Variants in EPHA5 observed in about 807,000 individuals in gnomAD.
EPHA5 encodes EPH receptor A5, also known as ephrin type-A receptor 5.
In EPHA5, 60 loss-of-function variants were observed where a neutral mutation model predicts 105.0. That is an observed-to-expected ratio of 0.57 (90% CI 0.46 to 0.71). The LOEUF is 0.71. Among genes scored for constraint, EPHA5 ranks in the 30% least tolerant of loss-of-function variants. EPHA5 has a pLI of 0.00. For missense variants in EPHA5, 1,218 were observed against 1,274.7 expected (o/e 0.96, Z 0.68); for synonymous variants, 513 against 449.1 (o/e 1.14, Z -1.80).
chr4:65,656,555 A>G (rs1749079291), intron 1 of EPHA5, among the ~76,000 whole-genome samples: 1 of 148,194 alleles, frequency 6.7e-6, no homozygotes, highest in Admixed American at 6.8e-5. Context: ...TATGTAGTAT[A>G]CTACATTTAC....
At chr4:65,635,228 A>G (rs979914875) in intron 2 of EPHA5, among the ~76,000 whole-genome samples, 1 of 152,116 alleles carries the variant, frequency 6.6e-6, no homozygotes, top group African/African-American at 2.4e-5. Flanking sequence ...AGTATCTACA[A>G]TGTAGGGTTA....
chr4:65,404,086 T>TA (rs1722116861), intron 8 of EPHA5, among the ~76,000 whole-genome samples: 2 of 152,072 alleles, frequency 1.3e-5, no homozygotes, highest in Non-Finnish European at 2.9e-5. Context: ...ATTTTCAGAT[T>TA]AAAAAATATG....
chr4:65,468,368 A>C (rs1004646520), intron 5 of EPHA5, among the ~76,000 whole-genome samples: 1 of 151,234 alleles, frequency 6.6e-6, no homozygotes, highest in African/African-American at 2.4e-5. Flanking sequence ...AAAGTGAGAA[A>C]GATTCTAGGG....
At chr4:65,325,679 T>C (rs1393716789) in intron 16 of EPHA5, among the ~76,000 whole-genome samples, 1 of 151,312 alleles carries the variant, frequency 6.6e-6, no homozygotes, top group African/African-American at 2.4e-5. Context: ...TTATTAATAA[T>C]GGAATAGACT....
chr4:65,646,770 C>T (rs1216263977), intron 1 of EPHA5, among the ~76,000 whole-genome samples: 2 of 151,796 alleles, frequency 1.3e-5, no homozygotes, highest in African/African-American at 2.4e-5. Flanking sequence ...TCTTTTTGAA[C>T]CAAAATAATA....
intron 3 of EPHA5, among the ~76,000 whole-genome samples, chr4:65,586,710 C>G (rs891702111): frequency 6.6e-6 from 1 of 151,934 alleles, no homozygotes; most frequent in Non-Finnish European, 1.5e-5. Flanking sequence ...AAGCTAACTA[C>G]TAACTCAGGG....
chr4:65,591,604 A>AT (rs1057241665), intron 3 of EPHA5, among the ~76,000 whole-genome samples: 23 of 145,770 alleles, frequency 1.6e-4, no homozygotes, highest in East Asian at 2.0e-4. Flanking sequence ...TTTTAATTTT[A>AT]TTTTTTTTAA....
intron 5 of EPHA5, among the ~76,000 whole-genome samples, chr4:65,443,459 AC>A (rs2149090598): frequency 6.6e-6 from 1 of 152,054 alleles, no homozygotes; most frequent in East Asian, 1.9e-4. Context: ...TATTGAGGTA[AC>A]CCAATGACAA....
rs1162490336 is a variant in EPHA5 at position 65,515,488 on chromosome 4, C to T, written c.911-19945G>A. ...AATCTATTAAGAAGATACATGACTC[C>T]TCTATTTTATTTCTCTCAACAATAT... On this transcript the variant is annotated intron_variant, in intron 3 of 16. Transcript: ENST00000613740. 3.3e-5 allele frequency among the ~76,000 whole-genome samples: 5 copies of T among 152,114 alleles called. No individual in the cohort carries two copies. The East Asian group carries it at 7.7e-4, about 23-fold the overall frequency.
chr4:65,436,778 C>CT (rs1480249257), intron 5 of EPHA5, among the ~76,000 whole-genome samples: 2 of 151,994 alleles, frequency 1.3e-5, no homozygotes, highest in Non-Finnish European at 2.9e-5. Context: ...TTATCCATCA[C>CT]TAACTTGCAC....
intron 3 of EPHA5, among the ~76,000 whole-genome samples, chr4:65,596,765 G>A (rs997119981): frequency 6.6e-6 from 1 of 151,736 alleles, no homozygotes. Context: ...GCCATCATTT[G>A]TTCAAATTTT....
At chr4:65,456,717 A>AAT (rs1384377361) in intron 5 of EPHA5, among the ~76,000 whole-genome samples, 11 of 93,460 alleles carry the variant, frequency 1.2e-4, no homozygotes, top group South Asian at 5.1e-4. Flanking sequence ...ATACAAAATA[A>AAT]ACATATACAC....
intron 5 of EPHA5, among the ~76,000 whole-genome samples, chr4:65,439,241 T>C (rs1187922354): frequency 3.3e-5 from 5 of 152,136 alleles, no homozygotes; most frequent in African/African-American, 1.2e-4. Flanking sequence ...CTTGAATACA[T>C]TCGTATATAT....
chr4:65,614,227 G>A (rs1032524043), intron 2 of EPHA5, among the ~76,000 whole-genome samples: 7 of 151,776 alleles, frequency 4.6e-5, no homozygotes, highest in Non-Finnish European at 1.0e-4. Context: ...TTTTCAGTGT[G>A]ATTTTAGCCT....
At chr4:65,505,354 T>C (rs567582321) in intron 3 of EPHA5, among the ~76,000 whole-genome samples, 26 of 152,180 alleles carry the variant, frequency 1.7e-4, no homozygotes, top group Non-Finnish European at 3.7e-4. Flanking sequence ...TTTGGTCTTA[T>C]GAACAAATGG....
chr4:65,653,737 A>C (rs1318049924), intron 1 of EPHA5, among the ~76,000 whole-genome samples: 2 of 152,142 alleles, frequency 1.3e-5, no homozygotes, highest in South Asian at 2.1e-4. Context: ...ATAAAAAATA[A>C]AAGAAATAAT....
chr4:65,324,026 C>A lies in EPHA5; in HGVS notation c.*88G>T. 1 of 865,002 alleles carries A rather than the reference C, an allele frequency of 1.2e-6. No homozygotes were observed. The highest frequency in any genetic ancestry group is 1.8e-6 in the Non-Finnish European group (1 of 541,422). The allele number at this position is 865,002 out of a possible 1,614,324, so 53.6% of individuals were successfully genotyped here. A position where few individuals can be genotyped will look rare whatever the true frequency, so the allele number is the denominator to read the frequency against. ...TAAGGTTTAGAAATCACTGTTTTCC[C>A]TTTTCCCCCTTTTTTTGTTAAAATA... On this transcript the variant is annotated 3_prime_UTR_variant, in exon 17 of 17. Transcript: ENST00000613740.
chr4:65,544,610 C>T (rs1024744647), intron 3 of EPHA5, among the ~76,000 whole-genome samples: 3 of 151,910 alleles, frequency 2.0e-5, no homozygotes, highest in African/African-American at 7.2e-5. Context: ...GAAATAGCGA[C>T]GCTTTTACAT....
intron 2 of EPHA5, among the ~76,000 whole-genome samples, chr4:65,638,187 T>C (rs938373436): frequency 6.6e-6 from 1 of 152,170 alleles, no homozygotes; most frequent in African/African-American, 2.4e-5. Context: ...TTTTATTATT[T>C]ATAAGGCATT....
Sources: allele counts gnomAD v4.1 joint callset (sites outside exome capture counted in the v4.1 genomes callset), GRCh38; gene constraint gnomAD v4.1.1; transcripts MANE v1.5; gene names NCBI Gene and HGNC (gene_info 2026-07-23, HGNC 2026-07-21).